ADAMTS12: variants seen among roughly 807,000 people sequenced by gnomAD.
ADAMTS12 encodes A disintegrin and metalloproteinase with thrombospondin motifs 12.
Under a neutral mutation model 167.8 loss-of-function variants are expected in ADAMTS12, and 118 were observed. The ratio of observed to expected loss-of-function variants is 0.70; its 90% CI spans 0.61 to 0.82. The LOEUF is 0.82. ADAMTS12 is among the 40% of genes least tolerant of loss of function. The probability of loss-of-function intolerance (pLI) is 0.00; values close to 1 mark genes in which losing one functional copy is unlikely to be tolerated. For missense variants in ADAMTS12, 1,916 were observed against 1,998.8 expected, an observed-to-expected ratio of 0.96 and a Z score of 0.79; for synonymous variants, 704 against 716.9, an observed-to-expected ratio of 0.98 and a Z score of 0.29.
intron 16 of ADAMTS12, among the ~76,000 whole-genome samples, chr5:33,602,540 G>A (rs935028860): frequency 2.0e-5 from 3 of 152,156 alleles, no homozygotes; most frequent in African/African-American, 7.2e-5. Flanking sequence ...CCATTATGGT[G>A]GACAAAGTCA....
intron 2 of ADAMTS12, 79 bp from the exon 3 acceptor site, chr5:33,751,627 C>T (rs1276191928): frequency 2.1e-6 from 3 of 1,420,594 alleles, no homozygotes; most frequent in South Asian, 1.3e-5. Context: ...AATTATATAG[C>T]TTATGAGTAT....
intron 2 of ADAMTS12, among the ~76,000 whole-genome samples, chr5:33,817,044 C>T (rs1234682768): frequency 6.6e-6 from 1 of 152,168 alleles, no homozygotes; most frequent in East Asian, 1.9e-4. Flanking sequence ...ATGAGCTGAT[C>T]ACTCAAGCTG....
intron 5 of ADAMTS12, among the ~76,000 whole-genome samples, chr5:33,665,117 C>T (rs1184245190): frequency 6.6e-6 from 1 of 152,036 alleles, no homozygotes; most frequent in Admixed American, 6.6e-5. Context: ...TTTGTGACAA[C>T]ATGGATGAAC....
At chr5:33,759,284 C>T (rs1420529694) in intron 2 of ADAMTS12, among the ~76,000 whole-genome samples, 3 of 152,196 alleles carry the variant, frequency 2.0e-5, no homozygotes, top group African/African-American at 7.2e-5. Context: ...CCATAGACGC[C>T]AGGTCCTGGC....
chr5:33,565,467 A>G (rs563117849), intron 19 of ADAMTS12, among the ~76,000 whole-genome samples: 2 of 152,164 alleles, frequency 1.3e-5, no homozygotes, highest in Non-Finnish European at 2.9e-5. Flanking sequence ...TCTATTTATT[A>G]AACATTTTCT....
chr5:33,815,649 A>G (rs112970327), intron 2 of ADAMTS12, among the ~76,000 whole-genome samples: 1 of 152,204 alleles, frequency 6.6e-6, no homozygotes, highest in African/African-American at 2.4e-5. Flanking sequence ...CTAGGACATC[A>G]ACGTTAAAGA....
intron 22 of ADAMTS12, among the ~76,000 whole-genome samples, 196 bp from the exon 23 acceptor site, chr5:33,535,188 T>A (rs1364755336): frequency 6.6e-6 from 1 of 152,254 alleles, no homozygotes; most frequent in African/African-American, 2.4e-5. Context: ...CTATAGGTTG[T>A]GTGGATTGAA....
At chr5:33,665,760 T>C (rs1394854187) in intron 5 of ADAMTS12, among the ~76,000 whole-genome samples, 1 of 152,148 alleles carries the variant, frequency 6.6e-6, no homozygotes, top group Non-Finnish European at 1.5e-5. Context: ...TAGGGGCTTA[T>C]GTGATGGGGA....
chr5:33,863,174 T>C (rs1367756293), intron 2 of ADAMTS12, among the ~76,000 whole-genome samples: 1 of 152,148 alleles, frequency 6.6e-6, no homozygotes, highest in Non-Finnish European at 1.5e-5. Flanking sequence ...TTCAACATAG[T>C]ATTGGAAGTT....
intron 19 of ADAMTS12, among the ~76,000 whole-genome samples, chr5:33,574,575 C>T (rs973983358): frequency 3.8e-5 from 5 of 131,760 alleles, no homozygotes; most frequent in Admixed American, 9.6e-5. Flanking sequence ...GGAAGGGGAA[C>T]ATCACACTCT....
chr5:33,656,645 G>A (rs1741072256), intron 7 of ADAMTS12, among the ~76,000 whole-genome samples: 1 of 152,118 alleles, frequency 6.6e-6, no homozygotes, highest in Non-Finnish European at 1.5e-5. Context: ...GGGATGGCTT[G>A]AGTGATAACT....
At chr5:33,586,865 A>G (rs1440870319) in intron 18 of ADAMTS12, among the ~76,000 whole-genome samples, 1 of 152,184 alleles carries the variant, frequency 6.6e-6, no homozygotes, top group East Asian at 1.9e-4. Flanking sequence ...ATGGCTTATC[A>G]CTGATGTGTG....
At chr5:33,747,351 T>C (rs1175464427) in intron 3 of ADAMTS12, among the ~76,000 whole-genome samples, 2 of 151,936 alleles carry the variant, frequency 1.3e-5, no homozygotes, top group Admixed American at 6.6e-5. Context: ...GACTTTAACA[T>C]TAAACATAAT....
chr5:33,643,345 C>T (rs752684992), intron 10 of ADAMTS12, 33 bp downstream of exon 10: 14 of 1,610,228 alleles, frequency 8.7e-6, no homozygotes, highest in Non-Finnish European at 1.2e-5. Flanking sequence ...TGCCCACCGC[C>T]CTCCCACCTC....
At chr5:33,565,301 A>G (rs35283710) in intron 19 of ADAMTS12, among the ~76,000 whole-genome samples, 43,489 of 152,100 alleles carry the variant, frequency 0.29, 7,729 homozygotes, top group Non-Finnish European at 0.39. Context: ...AACTACAGGC[A>G]TGCGCCACCA....
intron 3 of ADAMTS12, among the ~76,000 whole-genome samples, chr5:33,723,904 T>C (rs1743888448): frequency 6.6e-6 from 1 of 152,206 alleles, no homozygotes; most frequent in Non-Finnish European, 1.5e-5. Flanking sequence ...GGATGGAAGA[T>C]GTAGGAAGCT....
intron 2 of ADAMTS12, among the ~76,000 whole-genome samples, chr5:33,816,694 T>C (rs1415417376): frequency 6.6e-6 from 1 of 152,092 alleles, no homozygotes; most frequent in Admixed American, 6.6e-5. Context: ...CCAATGAGAA[T>C]GAAAAGAATC....
chr5:33,824,681 C>G (rs903622324), intron 2 of ADAMTS12, among the ~76,000 whole-genome samples: 3 of 152,126 alleles, frequency 2.0e-5, no homozygotes, highest in Non-Finnish European at 4.4e-5. Context: ...TTCAGGAGTA[C>G]AAGTGAGGAA....
At chr5:33,583,735 G>C (rs1655275783) in intron 18 of ADAMTS12, among the ~76,000 whole-genome samples, 1 of 152,150 alleles carries the variant, frequency 6.6e-6, no homozygotes, top group African/African-American at 2.4e-5. Context: ...GCATTTCTCT[G>C]ATGATCAACG....
Sources: gnomAD v4.1 joint callset for allele counts (sites outside exome capture counted in the v4.1 genomes callset) on GRCh38, gnomAD v4.1.1 for gene constraint, MANE v1.5 for transcripts, NCBI Gene and HGNC (gene_info 2026-07-23, HGNC 2026-07-21) for gene names.